Variants in GRAMD4 observed in about 807,000 individuals in gnomAD.
GRAMD4 encodes GRAM domain containing 4, also known as GRAM domain-containing protein 4.
GRAMD4 carries 25 observed loss-of-function variants against 83.9 expected under a neutral mutation model. The ratio of observed to expected loss-of-function variants is 0.30; its 90% CI spans 0.22 to 0.42. GRAMD4 has a LOEUF of 0.42. Ranked by LOEUF, GRAMD4 falls within the 10% of genes least tolerant of loss-of-function variation. The probability of loss-of-function intolerance (pLI) is 1.00; values close to 1 mark genes in which losing one functional copy is unlikely to be tolerated. For synonymous variants in GRAMD4, 336 were observed against 320.9 expected (o/e 1.05, Z -0.50); for missense variants, 593 against 788.7 (o/e 0.75, Z 2.97).
chr22:46,668,750 C>G lies in GRAMD4; in HGVS notation c.974+18C>G. ...ATCAAGAAGTAAGTCCCGCCCCCCA[C>G]CCCGGCCCTGCGGCGCCCGCCCGGC... On this transcript the variant is annotated intron_variant, in intron 12 of 18. Coordinates refer to ENST00000406902, the MANE Select transcript of GRAMD4 (RefSeq NM_015124.5). The G allele has an allele frequency of 1.1e-6, 1 of 920,866 alleles. No individual in the cohort carries two copies. Among genetic ancestry groups the G allele is most frequent in the Non-Finnish European group, 1.7e-6 (1 of 589,956 alleles). 57.0% of individuals were successfully genotyped at this position (920,866 alleles called of 1,614,324 possible).
intron 2 of GRAMD4, among the ~76,000 whole-genome samples, chr22:46,634,869 G>A (rs1325205668): frequency 6.6e-6 from 1 of 152,014 alleles, no homozygotes; most frequent in African/African-American, 2.4e-5. Context: ...CTTGAACCTG[G>A]GAGGTAGAGG....
intron 3 of GRAMD4, among the ~76,000 whole-genome samples, chr22:46,653,385 C>T (rs1365985915): frequency 1.3e-5 from 2 of 152,222 alleles, no homozygotes; most frequent in Non-Finnish European, 2.9e-5. Context: ...GAGCCTGACC[C>T]CAGGAGGTCC....
intron 1 of GRAMD4, among the ~76,000 whole-genome samples, chr22:46,599,224 T>C (rs1038191309): frequency 4.6e-5 from 7 of 152,184 alleles, no homozygotes; most frequent in African/African-American, 1.7e-4. Flanking sequence ...GGCCTGTGTG[T>C]GAGAGTGCTT....
chr22:46,576,821 G>A (rs2081045875), upstream of GRAMD4, among the ~76,000 whole-genome samples: 1 of 148,656 alleles, frequency 6.7e-6, no homozygotes, highest in African/African-American at 2.4e-5. Flanking sequence ...CGTCCGCCGT[G>A]GCAAGCGCGC....
At chr22:46,629,035 C>G (rs1300084863) in intron 2 of GRAMD4, among the ~76,000 whole-genome samples, 1 of 151,976 alleles carries the variant, frequency 6.6e-6, no homozygotes, top group Non-Finnish European at 1.5e-5. Context: ...GCTGCAGAGG[C>G]CAGGGCAAGG....
At chr22:46,623,941 C>T (rs1408146198) in intron 1 of GRAMD4, among the ~76,000 whole-genome samples, 1 of 151,838 alleles carries the variant, frequency 6.6e-6, no homozygotes, top group Non-Finnish European at 1.5e-5. Flanking sequence ...ATCACCTCGC[C>T]CAGCTAATTT....
chr22:46,617,260 G>A (rs1296180412), upstream of GRAMD4, among the ~76,000 whole-genome samples: 1 of 146,656 alleles, frequency 6.8e-6, no homozygotes, highest in East Asian at 2.1e-4. Flanking sequence ...AGGTTCCCCT[G>A]TGCTTGTGGG....
chr22:46,616,883 C>G (rs1345516922), upstream of GRAMD4, among the ~76,000 whole-genome samples: 6 of 26,160 alleles, frequency 2.3e-4, no homozygotes, highest in African/African-American at 7.6e-4. Flanking sequence ...TGTAGGTTCC[C>G]CTGTGCGTGT....
chr22:46,621,572 TGGC>T lies in GRAMD4; in HGVS notation c.-50+1010_-50+1012del, dbSNP rs2081576086. 1.4e-5 allele frequency among the ~76,000 whole-genome samples: 1 copy of T among 73,132 alleles called. No homozygotes were observed. The highest frequency in any genetic ancestry group is 2.8e-5 in the Non-Finnish European group (1 of 35,514). The allele number at this position is 73,132 out of a possible 152,430, so 48.0% of individuals were successfully genotyped here. On this transcript the variant is annotated intron_variant, in intron 1 of 18. Transcript: ENST00000406902. This position sits in a 1 kb window ranked among gnomAD's most constrained non-coding sequence, Gnocchi z 5.8. ...TGGAGGCGTAGCCCGGGCCCATCCCTGGCGGTGTGTCGCGGAGGGCACCCCTAC... is the reference window on the plus strand; with the variant it reads ...TGGAGGCGTAGCCCGGGCCCATCCCTGGTGTGTCGCGGAGGGCACCCCTAC...
chr22:46,619,148 C>T (rs138335417), upstream of GRAMD4, among the ~76,000 whole-genome samples: 38 of 152,290 alleles, frequency 2.5e-4, no homozygotes, highest in African/African-American at 8.4e-4. Flanking sequence ...CAGTTGTGAG[C>T]CGACCTCTTG....
chr22:46,673,849 G>T lies in GRAMD4; in HGVS notation c.1384+35G>T, dbSNP rs780213130. The T allele has an allele frequency of 1.9e-6, 3 of 1,609,424 alleles. No individual in the cohort carries two copies. The African/African-American group carries it at 4.0e-5, about 21-fold the overall frequency. On this transcript the variant is annotated intron_variant, in intron 15 of 18. Transcript: ENST00000406902. ...CCGTGAGTCTGAGGCCAGGCCGAGC[G>T]CCGACACAGACTGAAGGCCCGTGAG...
At chr22:46,578,517 G>A (rs1368759920) in intron 1 of GRAMD4, among the ~76,000 whole-genome samples, 1 of 152,202 alleles carries the variant, frequency 6.6e-6, no homozygotes, top group Non-Finnish European at 1.5e-5. Context: ...GCCCTGGGTT[G>A]GGGTTCAAAA....
At chr22:46,634,838 G>A (rs886987893) in intron 2 of GRAMD4, among the ~76,000 whole-genome samples, 7 of 151,974 alleles carry the variant, frequency 4.6e-5, no homozygotes, top group Non-Finnish European at 7.4e-5. Context: ...AGCTACTTTG[G>A]AGGCTGAGGC....
chr22:46,600,075 A>G (rs927412814), intron 1 of GRAMD4, among the ~76,000 whole-genome samples: 1 of 152,240 alleles, frequency 6.6e-6, no homozygotes, highest in African/African-American at 2.4e-5. Flanking sequence ...TCCTTTAGTC[A>G]TAAAAGGATT....
intron 1 of GRAMD4, among the ~76,000 whole-genome samples, chr22:46,625,088 C>G (rs2081635993): frequency 6.6e-6 from 1 of 152,102 alleles, no homozygotes; most frequent in African/African-American, 2.4e-5. Flanking sequence ...TCTCAATCTC[C>G]TGACCTTGTG....
At chr22:46,637,794 G>A (rs1396916277) in intron 2 of GRAMD4, 46 bp from the exon 3 acceptor site, 10 of 1,608,836 alleles carry the variant, frequency 6.2e-6, no homozygotes, top group Non-Finnish European at 8.5e-6. Flanking sequence ...TGCAGACCCA[G>A]GGTGCCACAG....
rs767103804 is a variant in GRAMD4 at position 46,622,270 on chromosome 22, G to A, written c.-50+1705G>A. On this transcript the variant is annotated intron_variant, in intron 1 of 18. Coordinates refer to ENST00000406902, the MANE Select transcript of GRAMD4 (RefSeq NM_015124.5). This position sits in a 1 kb window ranked among gnomAD's most constrained non-coding sequence, Gnocchi z 4.0. ...CCAAGAGTTCTGTGCGTGTCCAAGC[G>A]TGTCCCCTGCTTTCCTTGGGTGGAG... is the stretch of plus-strand genomic sequence containing the variant. 6.6e-6 allele frequency among the ~76,000 whole-genome samples: 1 copy of A among 152,168 alleles called. No individual in the cohort carries two copies. The highest frequency in any genetic ancestry group is 1.5e-5 in the Non-Finnish European group (1 of 68,024).
intron 4 of GRAMD4, 80 bp from the exon 5 acceptor site, chr22:46,661,301 G>A (rs932049975): frequency 2.8e-5 from 31 of 1,099,402 alleles, no homozygotes; most frequent in African/African-American, 3.1e-5. Context: ...ACACGGTCGC[G>A]AGAGCCCTCG....
intron 17 of GRAMD4, 104 bp from the exon 18 acceptor site, chr22:46,676,496 G>T (rs1245038851): frequency 1.6e-5 from 16 of 996,908 alleles, no homozygotes; most frequent in Non-Finnish European, 2.3e-5. Flanking sequence ...CGTGGGCCCT[G>T]CTGCCTGTGT....
Sources: allele counts gnomAD v4.1 joint callset (sites outside exome capture counted in the v4.1 genomes callset), GRCh38; gene constraint gnomAD v4.1.1; non-coding constraint Gnocchi (gnomAD v3.1); transcripts MANE v1.5; gene names NCBI Gene and HGNC (gene_info 2026-07-23, HGNC 2026-07-21).